Variants in TJP2 observed in about 807,000 individuals in gnomAD.
TJP2 encodes the protein tight junction protein 2.
Under a neutral mutation model 133.1 loss-of-function variants are expected in TJP2, and 91 were observed. The observed-to-expected ratio is 0.68, with a 90% CI of 0.58 to 0.81. The LOEUF (loss-of-function observed/expected upper bound fraction) is 0.81. Among genes scored for constraint, TJP2 ranks in the 40% least tolerant of loss-of-function variants. The probability of loss-of-function intolerance (pLI) is 0.00; values close to 1 mark genes in which losing one functional copy is unlikely to be tolerated. For missense variants in TJP2, 1,541 were observed against 1,565.6 expected (o/e 0.98, Z 0.26); for synonymous variants, 592 against 583.4 (o/e 1.01, Z -0.21).
intron 17 of TJP2, among the ~76,000 whole-genome samples, chr9:69,243,755 T>C (rs1830724122): frequency 6.6e-6 from 1 of 152,230 alleles, no homozygotes; most frequent in African/African-American, 2.4e-5. Flanking sequence ...AGAAGGAAGA[T>C]GCTGGGCCCC....
chr9:69,185,598 A>G (rs1228363195), intron 1 of TJP2, among the ~76,000 whole-genome samples: 1 of 152,198 alleles, frequency 6.6e-6, no homozygotes, highest in Non-Finnish European at 1.5e-5. Flanking sequence ...TTGCTGCTTT[A>G]ATGTATAATT....
intron 1 of TJP2, among the ~76,000 whole-genome samples, chr9:69,133,031 G>A (rs994632004): frequency 1.3e-5 from 2 of 152,040 alleles, no homozygotes; most frequent in African/African-American, 2.4e-5. Flanking sequence ...GTGCAATCTC[G>A]ACTCACTGCA....
intron 1 of TJP2, among the ~76,000 whole-genome samples, chr9:69,134,976 GGAGA>G (rs56216843): frequency 3.2e-4 from 47 of 148,896 alleles, no homozygotes; most frequent in East Asian, 2.4e-3. Context: ...AGAGAGAAGA[GGAGA>G]GAGAGAGAGA....
In TJP2 at chr9:69,126,639, A is replaced by T. The variant is rs774710466; in HGVS notation, c.-131+4914A>T. Among the ~76,000 whole-genome samples, 52 of 77,278 alleles carry T rather than the reference A, an allele frequency of 6.7e-4. 21 individuals carry two copies. Among genetic ancestry groups the T allele is most frequent in the Non-Finnish European group, 1.4e-3 (48 of 33,496 alleles). The allele number at this position is 77,278 out of a possible 152,430, so 50.7% of individuals were successfully genotyped here. The stretch of plus-strand genomic sequence containing the variant: ...TGAATTATAGTGAAGACTCAAAAAG[A>T]CCTTATTTGTACAAGGGCTTGTAAA... On this transcript the variant is annotated intron_variant, in intron 1 of 5. Transcript: ENST00000423935.
At chr9:69,137,177 G>C (rs1484652161) in intron 1 of TJP2, among the ~76,000 whole-genome samples, 1 of 148,892 alleles carries the variant, frequency 6.7e-6, no homozygotes, top group East Asian at 2.0e-4. Flanking sequence ...GTTTTGTCCA[G>C]CTGCCCACAC....
intron 16 of TJP2, among the ~76,000 whole-genome samples, chr9:69,239,366 CACTGTT>C (rs1227337251): frequency 1.3e-5 from 2 of 151,966 alleles, no homozygotes; most frequent in Non-Finnish European, 2.9e-5. Flanking sequence ...GGAAACCAGT[CACTGTT>C]ACTGTTCTCT....
chr9:69,227,828 A>G lies in TJP2; in HGVS notation c.1274A>G (p.Asp425Gly). The G allele has an allele frequency of 6.2e-7, 1 of 1,614,052 alleles. No individual in the cohort carries two copies. The highest frequency in any genetic ancestry group is 8.5e-7 in the Non-Finnish European group (1 of 1,179,938). ...SPEERRHQYS[D>G]YDYHSSSEKL... is the part of the protein sequence containing the mutation. ...GAGGAGAGACGTCATCAGTATTCTG[A>G]TTATGATTATCATTCCTCAAGTGAG... Residue 425 changes from aspartate to glycine, a missense_variant, in exon 8 of 23, where the codon GAT becomes GGT. Physicochemically the swap from Asp to Gly is moderately conservative, Grantham distance 94. Transcript: ENST00000377245.
In TJP2 at chr9:69,148,550, A is replaced by G. The variant is rs544394230; in HGVS notation, c.-130-3101A>G. On this transcript the variant is annotated intron_variant, in intron 1 of 5. Transcript: ENST00000423935. ...CATGCCTAGCTATTTTTGTATTCTCAGTAGAGATGCAGTTTTACCATGTTG... is the reference window on the plus strand; with the variant it reads ...CATGCCTAGCTATTTTTGTATTCTCGGTAGAGATGCAGTTTTACCATGTTG... Among the ~76,000 whole-genome samples, 113 of 151,674 alleles carry G rather than the reference A, an allele frequency of 7.5e-4. 1 individual carries two copies. The highest frequency in any genetic ancestry group is 1.4e-3 in the Non-Finnish European group (94 of 67,940).
chr9:69,253,022 C>A, intron 22 of TJP2, 122 bp downstream of exon 22: 1 of 845,774 alleles, frequency 1.2e-6, no homozygotes, highest in Non-Finnish European at 1.9e-6. Context: ...CACAGATTGA[C>A]TGTTTGCCTT....
Position 69,234,608 on chromosome 9 carries a change from G to C in TJP2, c.1780+61G>C, listed in dbSNP as rs539739062. On this transcript the variant is annotated intron_variant, in intron 12 of 22. Transcript: ENST00000377245. ...GGGGTGGGGAGTGGGAAGGATGAGAGAGGTGTCTTGGTACCAGAATAGGCA... is the reference window on the plus strand; with the variant it reads ...GGGGTGGGGAGTGGGAAGGATGAGACAGGTGTCTTGGTACCAGAATAGGCA... 788 of 1,100,096 alleles carry C rather than the reference G, an allele frequency of 7.2e-4. 1 individual carries two copies. The highest frequency in any genetic ancestry group is 9.4e-4 in the Non-Finnish European group (691 of 733,146). 68.1% of individuals were successfully genotyped at this position (1,100,096 alleles called of 1,614,324 possible).
intron 15 of TJP2, among the ~76,000 whole-genome samples, chr9:69,238,503 G>T (rs1563948445): frequency 6.6e-6 from 1 of 151,966 alleles, no homozygotes; most frequent in Admixed American, 6.6e-5. Context: ...CAAGCTAGTT[G>T]TCTCCTAGAA....
chr9:69,244,147 G>A (rs1051113970), intron 17 of TJP2, among the ~76,000 whole-genome samples: 9 of 134,944 alleles, frequency 6.7e-5, no homozygotes, highest in East Asian at 4.3e-4. Context: ...TTGCACTACA[G>A]CACTCCAGCC....
chr9:69,187,109 G>T (rs1825908047), intron 1 of TJP2, among the ~76,000 whole-genome samples: 1 of 152,146 alleles, frequency 6.6e-6, no homozygotes, highest in Admixed American at 6.5e-5. Flanking sequence ...TACTACCACA[G>T]AAAGAATATT....
rs377314831 is a variant in TJP2, at chr9:69,221,356, G to A, written c.812G>A (p.Arg271His). The A allele has an allele frequency of 1.6e-5, 25 of 1,581,996 alleles. No individual in the cohort carries two copies. Among genetic ancestry groups the A allele is most frequent in the East Asian group, 2.3e-5 (1 of 43,104 alleles). Residue 271 changes from arginine (R) to histidine (H), a missense_variant, in exon 5 of 23, where the codon CGC becomes CAC. Arg to His is a conservative substitution (Grantham distance 29). Coordinates refer to ENST00000377245, the MANE Select transcript of TJP2 (RefSeq NM_004817.4). ...CGGGCCTACAGCCCGGAGTACAGGC[G>A]CGGGGCCCGCCACGATGCCCGCTCT... ...YERAYSPEYRRGARHDARSRG... is the reference protein window; with the variant it reads ...YERAYSPEYRHGARHDARSRG...
intron 4 of TJP2, among the ~76,000 whole-genome samples, chr9:69,220,626 C>G (rs1271073703): frequency 6.6e-6 from 1 of 152,190 alleles, no homozygotes; most frequent in Non-Finnish European, 1.5e-5. Context: ...TGAGACTTTT[C>G]AAACTTGAGT....
intron 1 of TJP2, among the ~76,000 whole-genome samples, chr9:69,199,914 G>T (rs1368920468): frequency 1.3e-5 from 2 of 152,150 alleles, no homozygotes; most frequent in Non-Finnish European, 2.9e-5. Flanking sequence ...GGGGATGGTG[G>T]TGCTAACTCA....
rs564391228 is a variant in TJP2 at position 69,159,139 on chromosome 9, TA to T, written c.-10+7369del. Among the ~76,000 whole-genome samples the T allele has an allele frequency of 1.8e-3, 279 of 151,812 alleles. 2 individuals carry two copies. The highest frequency in any genetic ancestry group is 6.5e-3 in the African/African-American group (270 of 41,348). ...GGGCAACATGGAGAAACTCTGTCTC[TA>T]CAAAAAATACCAAAAAGAAAAAAAA... On this transcript the variant is annotated intron_variant, in intron 2 of 5. Coordinates refer to the TJP2 transcript ENST00000423935.
rs2133269493 is a variant in TJP2, at chr9:69,220,912, A to C, written c.368A>C (p.Gln123Pro). 6.2e-7 allele frequency: 1 copy of C among 1,612,360 alleles called. No homozygotes were observed. The highest frequency in any genetic ancestry group is 8.5e-7 in the Non-Finnish European group (1 of 1,179,996). The part of the protein sequence containing the change: ...AIVVKRPRKV[Q>P]VAALQASPPL... Reference sequence around the variant, plus strand: ...GTGGTCAAGAGGCCCCGGAAGGTCCAGGTGGCCGCACTTCAGGCCAGCCCT... The same window carrying C: ...GTGGTCAAGAGGCCCCGGAAGGTCCCGGTGGCCGCACTTCAGGCCAGCCCT... The change falls in exon 5 of 23, where the codon CAG becomes CCG. Residue 123 changes from glutamine (Q) to proline (P), a missense_variant. Transcript: ENST00000377245.
chr9:69,197,626 T>A (rs1442191243), intron 1 of TJP2, among the ~76,000 whole-genome samples: 1 of 151,732 alleles, frequency 6.6e-6, no homozygotes, highest in East Asian at 1.9e-4. Context: ...GGAAAACCCT[T>A]ATCAAGAGTG....
Sources: gnomAD v4.1 joint callset for allele counts (sites outside exome capture counted in the v4.1 genomes callset) on GRCh38, gnomAD v4.1.1 for gene constraint, MANE v1.5 for transcripts, NCBI Gene and HGNC (gene_info 2026-07-23, HGNC 2026-07-21) for gene names.